The following GGT5 variants were observed in gnomAD, a reference collection of about 807,000 sequenced individuals.
GGT5 encodes glutathione hydrolase 5 proenzyme.
A neutral mutation model predicts 58.1 loss-of-function variants in GGT5; 50 were observed. The ratio of observed to expected loss-of-function variants is 0.86; its 90% CI spans 0.69 to 1.09. The LOEUF (loss-of-function observed/expected upper bound fraction) is 1.09, where lower values mean the gene tolerates loss of function less well. Among genes scored for constraint, GGT5 ranks in the 50% least tolerant of loss-of-function variants. The probability of loss-of-function intolerance (pLI) is 0.00; values close to 1 mark genes in which losing one functional copy is unlikely to be tolerated. For synonymous variants in GGT5, 370 were observed against 346.1 expected (o/e 1.07, Z -0.77); for missense variants, 800 against 789.4 (o/e 1.01, Z -0.16).
At chr22:24,234,200 T>C (rs1043245232) in intron 1 of GGT5, among the ~76,000 whole-genome samples, 196 bp from the exon 2 acceptor site, 4 of 152,224 alleles carry the variant, frequency 2.6e-5, no homozygotes, top group Non-Finnish European at 4.4e-5. Context: ...CACACTACGG[T>C]TGCAAAGTGT....
At position 24,229,282 on chromosome 22, in the gene GGT5, C is replaced by A. The variant is rs548819749; in HGVS notation, c.901+2102G>T. 1.8e-4 allele frequency among the ~76,000 whole-genome samples: 27 copies of A among 150,626 alleles called. No homozygotes were observed. In the South Asian group the frequency reaches 5.5e-3, roughly 31 times the overall value. ...AAAAATTAGTTGTGGTGGCAGGCGC[C>A]TGTAATCCCAGCTACGTGGGAGGCT... On this transcript the variant is annotated intron_variant, in intron 6 of 11. Coordinates refer to ENST00000327365, the MANE Select transcript of GGT5 (RefSeq NM_004121.5).
chr22:24,220,099 G>C lies in GGT5; in HGVS notation c.1632C>G (p.Leu544=). Residue 544 remains leucine, a synonymous_variant, in exon 12 of 12, where the codon CTC becomes CTG. Transcript: ENST00000327365. ...GGGTCTGGTTCTGGCCACGGTCTTGGAGTCCCCTCTGCACCTCCTGGAGAG... is the reference window on the plus strand; with the variant it reads ...GGGTCTGGTTCTGGCCACGGTCTTGCAGTCCCCTCTGCACCTCCTGGAGAG... The part of the protein sequence containing the change: ...PNFSQEVQRG[L]QDRGQNQTQR... 1 of 1,614,184 alleles carries C rather than the reference G, an allele frequency of 6.2e-7. No homozygotes were observed. The highest frequency in any genetic ancestry group is 1.6e-4 in the Middle Eastern group (1 of 6,062).
At chr22:24,232,704 G>T (rs911346944) in intron 4 of GGT5, 119 bp downstream of exon 4, 22 of 624,158 alleles carry the variant, frequency 3.5e-5, no homozygotes, top group Non-Finnish European at 5.6e-5. Flanking sequence ...GTCCTGGCCA[G>T]CACCCCGAGG....
intron 1 of GGT5, chr22:24,241,038 TCCCAG>T: frequency 6.6e-6 from 1 of 151,230 alleles, no homozygotes; most frequent in South Asian, 2.1e-4. Flanking sequence ...ATGCCTGTAA[TCCCAG>T]CTACTCAGGA....
In GGT5 at chr22:24,232,674, G is replaced by A. The variant is rs1434376831; in HGVS notation, c.596+149C>T. On this transcript the variant is annotated intron_variant, in intron 4 of 11. Coordinates refer to ENST00000327365, the MANE Select transcript of GGT5 (RefSeq NM_004121.5). The stretch of plus-strand genomic sequence containing the variant: ...AGGCTCTGCCACGGGGAGCTGGAAG[G>A]GCCATGAAAAGTACTCTTTGTCCTG... The A allele has an allele frequency of 1.2e-5, 6 of 492,718 alleles. No individual in the cohort carries two copies. The East Asian group carries it at 1.7e-4, about 14-fold the overall frequency. 30.5% of individuals were successfully genotyped at this position (492,718 alleles called of 1,614,324 possible).
At chr22:24,241,678 G>A (rs1415720999) in intron 1 of GGT5, 1 of 151,798 alleles carries the variant, frequency 6.6e-6, no homozygotes, top group Non-Finnish European at 1.5e-5. Context: ...TTAACCATCA[G>A]GAACGAGTAG....
rs751663514 is a variant in GGT5 at position 24,233,959 on chromosome 22, C to T, written c.219G>A (p.Ala73=). Residue 73 remains alanine, a synonymous_variant, in exon 2 of 12, where the codon GCG becomes GCA. Transcript: ENST00000327365. ...QQGSPVDATI[A]ALVCTSVVNP... ...TGACGACGCTGGTGCAGACCAGAGC[C>T]GCGATGGTGGCATCCACGGGTGAGC... 9.9e-6 allele frequency: 16 copies of T among 1,613,500 alleles called. No homozygotes were observed. The highest frequency in any genetic ancestry group is 6.7e-5 in the East Asian group (3 of 44,872).
At chr22:24,231,577 C>G (rs749641676) in intron 5 of GGT5, 47 bp from the exon 6 acceptor site, 1 of 1,559,506 alleles carries the variant, frequency 6.4e-7, no homozygotes, top group Admixed American at 1.9e-5. Flanking sequence ...GAAACTGAGG[C>G]GGGGAGGAAT....
At position 24,232,105 on chromosome 22, in the gene GGT5, C is replaced by A. The variant is rs770382332; in HGVS notation, c.700G>T (p.Val234Phe). Residue 234 changes from valine to phenylalanine, a missense_variant, in exon 5 of 12, where the codon GTC (valine) becomes TTC (phenylalanine). Val to Phe is a conservative substitution (Grantham distance 50). Coordinates refer to ENST00000327365, the MANE Select transcript of GGT5 (RefSeq NM_004121.5). The part of the protein sequence containing the change: ...LETVATEGVE[V>F]FYTGRLGQML... ...TGGCCCAGCCTCCCCGTGTAGAAGA[C>A]CTCCACGCCCTCTGTGGCCACGGTC... 1.7e-5 allele frequency: 28 copies of A among 1,612,248 alleles called. No individual in the cohort carries two copies. In the East Asian group the frequency reaches 2.5e-4, roughly 14 times the overall value.
chr22:24,228,415 C>G (rs577670951), intron 6 of GGT5, among the ~76,000 whole-genome samples: 2 of 151,410 alleles, frequency 1.3e-5, no homozygotes, highest in South Asian at 4.2e-4. Flanking sequence ...ATCACTTTTC[C>G]ATGCATCCTA....
chr22:24,225,196 A>G, intron 10 of GGT5, 49 bp downstream of exon 10: 1 of 1,598,156 alleles, frequency 6.3e-7, no homozygotes, highest in Non-Finnish European at 8.6e-7. Flanking sequence ...ACAGTCAGAC[A>G]GTATGCTGCC....
rs1176285800 is a variant in GGT5, at chr22:24,226,215, G to T, written c.1090C>A (p.Gln364Lys). 2 of 1,609,504 alleles carry T rather than the reference G, an allele frequency of 1.2e-6. No homozygotes were observed. Among genetic ancestry groups the T allele is most frequent in the Non-Finnish European group, 1.7e-6 (2 of 1,179,856 alleles). Residue 364 changes from glutamine (Q) to lysine (K), a missense_variant, in exon 8 of 12, where the codon CAG becomes AAG. Physicochemically the swap from Gln to Lys is moderately conservative, Grantham distance 53. Transcript: ENST00000327365. ...GETLAQLIRQ[Q>K]IDGRGDHQLS... ...TGGTGGTCCCCCCGGCCATCGATCT[G>T]TTGGCGGATGAGCTGGGCCAGGGTC...
intron 11 of GGT5, 112 bp downstream of exon 11, chr22:24,224,884 G>A (rs896686679): frequency 8.5e-6 from 6 of 708,516 alleles, no homozygotes; most frequent in African/African-American, 1.8e-5. Flanking sequence ...CAAAGTTGAA[G>A]TGTACCTGGC....
Position 24,226,702 on chromosome 22 carries a change from C to T in GGT5, c.967G>A (p.Val323Ile), listed in dbSNP as rs1183659624. Residue 323 changes from valine (V) to isoleucine (I), a missense_variant, in exon 7 of 12, where the codon GTA becomes ATA. Val to Ile is a conservative substitution (Grantham distance 29, BLOSUM62 3). Coordinates refer to ENST00000327365, the MANE Select transcript of GGT5 (RefSeq NM_004121.5). The stretch of plus-strand genomic sequence containing the variant: ...CCCTTGGCAAACTTGAGCGTCTCTA[C>T]AAGGTGGTGGTACACGTTCACCCTC... ...EGRVNVYHHL[V>I]ETLKFAKGQR... 6.2e-7 allele frequency: 1 copy of T among 1,613,836 alleles called. No individual in the cohort carries two copies. The highest frequency in any genetic ancestry group is 1.7e-5 in the Admixed American group (1 of 60,008).
chr22:24,231,745 A>G (rs915597), intron 5 of GGT5, among the ~76,000 whole-genome samples: 151,966 of 152,258 alleles, frequency 1, 75,841 homozygotes, highest in Non-Finnish European at 1. Flanking sequence ...GCTGGGGAAA[A>G]GAAAGGGAAG....
intron 11 of GGT5, among the ~76,000 whole-genome samples, chr22:24,221,169 A>T (rs910133881): frequency 6.6e-6 from 1 of 152,208 alleles, no homozygotes; most frequent in African/African-American, 2.4e-5. Context: ...ACTTTGAGAG[A>T]AACTTAGTTT....
rs2047536092 is a variant in GGT5 at position 24,219,819 on chromosome 22, C to A, written c.*151G>T. On this transcript the variant is annotated 3_prime_UTR_variant, in exon 12 of 12. Transcript: ENST00000327365. ...GGGATGAGGCTCAGCCTCTCATCTGCCCAGCTGGTCCCCGCCACCTCTTCC... is the reference window on the plus strand; with the variant it reads ...GGGATGAGGCTCAGCCTCTCATCTGACCAGCTGGTCCCCGCCACCTCTTCC... 2.8e-6 allele frequency: 2 copies of A among 704,582 alleles called. No homozygotes were observed. Among genetic ancestry groups the A allele is most frequent in the Non-Finnish European group, 4.7e-6 (2 of 425,690 alleles). The allele number at this position is 704,582 out of a possible 1,614,324, so 43.6% of individuals were successfully genotyped here.
intron 6 of GGT5, among the ~76,000 whole-genome samples, chr22:24,230,265 G>T (rs984970106): frequency 5.3e-5 from 8 of 151,946 alleles, no homozygotes; most frequent in Non-Finnish European, 7.4e-5. Flanking sequence ...CTACTTGGGA[G>T]ACTGAGGCAG....
intron 1 of GGT5, chr22:24,242,723 G>T (rs2048358769): frequency 6.6e-6 from 1 of 152,356 alleles, no homozygotes; most frequent in African/African-American, 2.4e-5. Context: ...AGACCCTGTG[G>T]CAGTGTGGCC....
Sources: allele counts gnomAD v4.1 joint callset (sites outside exome capture counted in the v4.1 genomes callset), GRCh38; gene constraint gnomAD v4.1.1; transcripts MANE v1.5; gene names NCBI Gene and HGNC (gene_info 2026-07-23, HGNC 2026-07-21).